Variants in CD38 observed in about 807,000 individuals in gnomAD.
CD38 encodes ADP-ribosyl cyclase/cyclic ADP-ribose hydrolase 1.
Under a neutral mutation model 36.3 loss-of-function variants are expected in CD38, and 31 were observed. The observed-to-expected ratio is 0.85, with a 90% confidence interval of 0.64 to 1.15. The LOEUF (loss-of-function observed/expected upper bound fraction) is 1.15. CD38 is among the 50% of genes most tolerant of loss of function. The pLI is 0.00. For synonymous variants in CD38, 131 were observed against 135.2 expected (o/e 0.97, Z 0.22); for missense variants, 380 against 371.9 (o/e 1.02, Z -0.18).
At chr4:15,836,026 A>G (rs1381478990) in intron 4 of CD38, among the ~76,000 whole-genome samples, 1 of 152,234 alleles carries the variant, frequency 6.6e-6, no homozygotes, top group Non-Finnish European at 1.5e-5. Flanking sequence ...GAGTAACAAT[A>G]CACTAATTAT....
At chr4:15,823,982 A>G (rs1021663563) in intron 2 of CD38, among the ~76,000 whole-genome samples, 1 of 152,208 alleles carries the variant, frequency 6.6e-6, no homozygotes, top group African/African-American at 2.4e-5. Flanking sequence ...ATAAAAAGGA[A>G]CAAGATCATG....
intron 1 of CD38, among the ~76,000 whole-genome samples, chr4:15,800,249 C>T (rs1286066004): frequency 6.6e-6 from 1 of 152,116 alleles, no homozygotes; most frequent in Non-Finnish European, 1.5e-5. Context: ...TGGCAAGCCA[C>T]CTTTCGTGTT....
chr4:15,834,088 T>C, intron 3 of CD38, 129 bp from the exon 4 acceptor site: 1 of 633,216 alleles, frequency 1.6e-6, no homozygotes, highest in Admixed American at 2.6e-5. Flanking sequence ...AATGTGTCCA[T>C]TCTCCAGCCT....
intron 1 of CD38, among the ~76,000 whole-genome samples, chr4:15,787,201 C>T (rs375376198): frequency 3.9e-5 from 6 of 152,360 alleles, no homozygotes; most frequent in South Asian, 2.1e-4. Context: ...CCAGAGTGGG[C>T]GCGCAGAGGC....
At chr4:15,797,924 G>C (rs1188967911) in intron 1 of CD38, among the ~76,000 whole-genome samples, 1 of 152,144 alleles carries the variant, frequency 6.6e-6, no homozygotes, top group Non-Finnish European at 1.5e-5. Flanking sequence ...GTCATTTTCT[G>C]AGGTACTGGG....
At chr4:15,829,076 C>G (rs909925815) in intron 3 of CD38, among the ~76,000 whole-genome samples, 2 of 152,090 alleles carry the variant, frequency 1.3e-5, no homozygotes, top group Non-Finnish European at 2.9e-5. Flanking sequence ...AATTAGGAAG[C>G]TTGAGCATTT....
intron 1 of CD38, among the ~76,000 whole-genome samples, chr4:15,790,967 C>G (rs1722965906): frequency 6.8e-6 from 1 of 146,932 alleles, no homozygotes; most frequent in Non-Finnish European, 1.5e-5. Context: ...AAGTGAGGAG[C>G]CCCTCCGTCC....
At chr4:15,848,444 TGTC>T in intron 7 of CD38, 92 bp from the exon 8 acceptor site, 1 of 821,954 alleles carries the variant, frequency 1.2e-6, no homozygotes, top group African/African-American at 1.7e-5. Context: ...CTGTGCACCT[TGTC>T]GTCGCTAAAA....
chr4:15,851,875 A>G lies in CD38; in HGVS notation c.*3273A>G, dbSNP rs1325313704. The G allele has an allele frequency of 6.6e-6, 1 of 152,228 alleles. No homozygotes were observed. Among genetic ancestry groups the G allele is most frequent in the African/African-American group, 2.4e-5 (1 of 41,456 alleles). The allele number at this position is 152,228 out of a possible 1,614,324, so 9.4% of individuals were successfully genotyped here. A position where few individuals can be genotyped will look rare whatever the true frequency, so the allele number is the denominator to read the frequency against. On this transcript the variant is annotated 3_prime_UTR_variant, in exon 8 of 8. Transcript: ENST00000226279. ...CTACATGGTATCACCTATTCCTCCTAGGCTACAAGCCTGTACAGCGTGTGT... is the reference window on the plus strand; with the variant it reads ...CTACATGGTATCACCTATTCCTCCTGGGCTACAAGCCTGTACAGCGTGTGT...
intron 1 of CD38, among the ~76,000 whole-genome samples, chr4:15,812,998 G>A (rs7655635): frequency 0.14 from 21,332 of 152,052 alleles, 1,708 homozygotes; most frequent in South Asian, 0.22. Context: ...ATGTTTACTC[G>A]TTCTAACAGT....
In CD38 at chr4:15,851,520, G is replaced by A. The variant is rs1156453666; in HGVS notation, c.*2918G>A. On this transcript the variant is annotated 3_prime_UTR_variant, in exon 8 of 8. Coordinates refer to ENST00000226279, the MANE Select transcript of CD38 (RefSeq NM_001775.4). ...AATGCCCCTTTTCTAAATTCCTAAG[G>A]CTCACCATTTTCCTATTGTAATGGT... 1 of 152,034 alleles carries A rather than the reference G, an allele frequency of 6.6e-6. No homozygotes were observed. Among genetic ancestry groups the A allele is most frequent in the Non-Finnish European group, 1.5e-5 (1 of 68,020 alleles). The allele number at this position is 152,034 out of a possible 1,614,324, so 9.4% of individuals were successfully genotyped here.
intron 1 of CD38, among the ~76,000 whole-genome samples, chr4:15,798,857 T>C (rs1723155691): frequency 6.6e-6 from 1 of 152,222 alleles, no homozygotes; most frequent in Non-Finnish European, 1.5e-5. Context: ...AGGTTTCTTC[T>C]GTGAAAAGCC....
chr4:15,836,676 A>G (rs987947911), intron 4 of CD38, among the ~76,000 whole-genome samples: 3 of 152,158 alleles, frequency 2.0e-5, no homozygotes, highest in Non-Finnish European at 4.4e-5. Flanking sequence ...ATGCTCTTCA[A>G]TTTTGTTCTT....
At chr4:15,806,687 G>A (rs1161195115) in intron 1 of CD38, among the ~76,000 whole-genome samples, 2 of 152,160 alleles carry the variant, frequency 1.3e-5, no homozygotes, top group Admixed American at 6.5e-5. Context: ...ATGATGTACA[G>A]GGCGATAGGG....
At chr4:15,835,463 C>CA (rs1249545925) in intron 4 of CD38, among the ~76,000 whole-genome samples, 1 of 144,838 alleles carries the variant, frequency 6.9e-6, no homozygotes, top group African/African-American at 2.5e-5. Flanking sequence ...CTGCAACCAC[C>CA]ACCTCCTAAG....
chr4:15,819,487 G>A (rs1369702066), intron 2 of CD38, among the ~76,000 whole-genome samples: 1 of 151,968 alleles, frequency 6.6e-6, no homozygotes, highest in Non-Finnish European at 1.5e-5. Context: ...CCACTGCAAA[G>A]AAGCTAAGAA....
In CD38 at chr4:15,778,745, C is replaced by G; in HGVS notation, c.233+98C>G. 5.9e-6 allele frequency: 5 copies of G among 854,174 alleles called. No homozygotes were observed. The highest frequency in any genetic ancestry group is 9.1e-6 in the Non-Finnish European group (5 of 548,112). 52.9% of individuals were successfully genotyped at this position (854,174 alleles called of 1,614,324 possible). ...GGATCGCCCGGAACCGGGCATCTTC[C>G]GTGGCGGGTCAGCCGAGAGCCCGCC... On this transcript the variant is annotated intron_variant, in intron 1 of 7. Coordinates refer to ENST00000226279, the MANE Select transcript of CD38 (RefSeq NM_001775.4). This position sits in a 1 kb window ranked among gnomAD's most constrained non-coding sequence, Gnocchi z 4.9.
chr4:15,799,474 T>C (rs1354396588), intron 1 of CD38, among the ~76,000 whole-genome samples: 1 of 152,228 alleles, frequency 6.6e-6, no homozygotes, highest in African/African-American at 2.4e-5. Context: ...TTAAGAAGTT[T>C]ATATAAATGG....
intron 4 of CD38, among the ~76,000 whole-genome samples, chr4:15,837,436 A>G (rs1560320009): frequency 6.6e-6 from 1 of 152,162 alleles, no homozygotes; most frequent in Non-Finnish European, 1.5e-5. Flanking sequence ...AGATGCTGTC[A>G]GAGTCAGAGA....
Sources: allele counts gnomAD v4.1 joint callset (sites outside exome capture counted in the v4.1 genomes callset), GRCh38; gene constraint gnomAD v4.1.1; non-coding constraint Gnocchi (gnomAD v3.1); transcripts MANE v1.5; gene names NCBI Gene and HGNC (gene_info 2026-07-23, HGNC 2026-07-21).